Variants in CLVS1 observed in about 807,000 individuals in gnomAD.
CLVS1 encodes clavesin 1, also known as clavesin-1.
A neutral mutation model predicts 33.1 loss-of-function variants in CLVS1; 10 were observed. That is an observed-to-expected ratio of 0.30 (90% confidence interval 0.19 to 0.51). The LOEUF (loss-of-function observed/expected upper bound fraction) is 0.51, where lower values mean the gene tolerates loss of function less well. CLVS1 is among the 20% of genes least tolerant of loss of function. The probability of loss-of-function intolerance (pLI) is 0.97; values close to 1 mark genes in which losing one functional copy is unlikely to be tolerated. For missense variants in CLVS1, 343 were observed against 433.4 expected (o/e 0.79, Z 1.85); for synonymous variants, 163 against 166.1 (o/e 0.98, Z 0.14).
intron 2 of CLVS1, among the ~76,000 whole-genome samples, chr8:61,226,971 C>T (rs141323544): frequency 7.2e-5 from 10 of 139,078 alleles, no homozygotes; most frequent in East Asian, 2.1e-4. Context: ...TGCTATATTA[C>T]GAAAACATGT....
At chr8:61,391,192 A>G (rs1324618383) in intron 3 of CLVS1, 1 of 152,242 alleles carries the variant, frequency 6.6e-6, no homozygotes, top group Non-Finnish European at 1.5e-5. Context: ...CTAGTTATTC[A>G]TTGAACTCAT....
intron 2 of CLVS1, among the ~76,000 whole-genome samples, chr8:61,351,439 G>C (rs189790717): frequency 6.1e-4 from 93 of 152,138 alleles, no homozygotes; most frequent in Admixed American, 2.2e-3. Flanking sequence ...AGAGACTCAG[G>C]CTCCTGTGGG....
chr8:60,977,691 T>C, the CLVS1 span, among the ~76,000 whole-genome samples: 1 of 152,280 alleles, frequency 6.6e-6, no homozygotes, highest in Non-Finnish European at 1.5e-5. Context: ...TTGGGTATCA[T>C]TAAACACACC....
chr8:61,093,435 A>G (rs1475321569), intron 1 of CLVS1, among the ~76,000 whole-genome samples: 2 of 152,324 alleles, frequency 1.3e-5, no homozygotes, highest in South Asian at 2.1e-4. Flanking sequence ...TGTGTGGGTC[A>G]TTCAGGTTTT....
rs551873280 is a variant in CLVS1 at position 61,335,463 on chromosome 8, A to G, written c.455+35181A>G. Among the ~76,000 whole-genome samples the G allele has an allele frequency of 2.6e-5, 4 of 152,372 alleles. No individual in the cohort carries two copies. The South Asian group carries it at 8.3e-4, about 32-fold the overall frequency. ...CTGTCTGTCATAATTTTGCAAAGGC[A>G]GTTTCAAAACCAGAAAATATCACCG... On this transcript the variant is annotated intron_variant, in intron 2 of 5. Coordinates refer to ENST00000325897, the MANE Select transcript of CLVS1 (RefSeq NM_173519.3).
chr8:61,002,029 A>G, the CLVS1 span, among the ~76,000 whole-genome samples: 1 of 151,902 alleles, frequency 6.6e-6, no homozygotes, highest in Admixed American at 6.6e-5. Flanking sequence ...CCCAGGCTGG[A>G]GTGCAGTGGT....
At chr8:61,338,412 C>T (rs191290086) in intron 2 of CLVS1, among the ~76,000 whole-genome samples, 55 of 152,282 alleles carry the variant, frequency 3.6e-4, no homozygotes, top group African/African-American at 1.3e-3. Flanking sequence ...TAAAACCAAA[C>T]ATTTCTGGGC....
intron 3 of CLVS1, among the ~76,000 whole-genome samples, chr8:61,393,605 A>G (rs961227719): frequency 6.6e-6 from 1 of 152,044 alleles, no homozygotes; most frequent in Admixed American, 6.5e-5. Flanking sequence ...TGATCCCTTG[A>G]TATTGTGCCC....
At chr8:61,053,307 C>T (rs948513504), upstream of CLVS1, among the ~76,000 whole-genome samples, 1 of 152,050 alleles carries the variant, frequency 6.6e-6, no homozygotes, top group East Asian at 1.9e-4. Flanking sequence ...AAGAGAGAGA[C>T]GTCAAAGGCT....
intron 1 of CLVS1, among the ~76,000 whole-genome samples, chr8:61,125,193 C>T (rs1805946721): frequency 1.3e-5 from 2 of 152,144 alleles, no homozygotes; most frequent in South Asian, 4.1e-4. Context: ...ATTAGAACCC[C>T]AGAACCCTCC....
chr8:61,249,146 T>C (rs553130199), intron 2 of CLVS1, among the ~76,000 whole-genome samples: 1 of 152,286 alleles, frequency 6.6e-6, no homozygotes, highest in African/African-American at 2.4e-5. Flanking sequence ...ATCTCACTTA[T>C]GAGTGAGAAC....
intron 2 of CLVS1, among the ~76,000 whole-genome samples, chr8:61,272,132 T>C (rs1399570081): frequency 1.2e-3 from 177 of 151,700 alleles, no homozygotes; most frequent in African/African-American, 2.1e-3. Flanking sequence ...CGGCTGGTAC[T>C]GGTTGTTCCT....
At chr8:60,974,980 G>C in the CLVS1 span, among the ~76,000 whole-genome samples, 52 of 152,286 alleles carry the variant, frequency 3.4e-4, no homozygotes, top group African/African-American at 1.2e-3. Flanking sequence ...GAGTGGCTTG[G>C]ACTGGAACCC....
intron 3 of CLVS1, among the ~76,000 whole-genome samples, chr8:61,403,792 T>G (rs1443215511): frequency 1.3e-5 from 2 of 152,180 alleles, no homozygotes; most frequent in African/African-American, 4.8e-5. Context: ...TGGATTTGTA[T>G]GTACTAAAAC....
At chr8:61,483,126 T>C (rs1413585152) in intron 5 of CLVS1, among the ~76,000 whole-genome samples, 4 of 151,740 alleles carry the variant, frequency 2.6e-5, no homozygotes, top group Non-Finnish European at 5.9e-5. Context: ...ACACAAAAGA[T>C]CCTTCAAAAA....
At chr8:61,098,271 A>AC (rs1251841338) in intron 1 of CLVS1, among the ~76,000 whole-genome samples, 2 of 152,056 alleles carry the variant, frequency 1.3e-5, no homozygotes, top group Non-Finnish European at 2.9e-5. Context: ...CTGGGTTGGG[A>AC]CAATACTCAT....
chr8:61,177,538 T>C (rs953958430), intron 2 of CLVS1, among the ~76,000 whole-genome samples: 12 of 152,084 alleles, frequency 7.9e-5, no homozygotes, highest in Non-Finnish European at 1.6e-4. Context: ...GGTGAGACCC[T>C]CCAACAGGGG....
intron 2 of CLVS1, among the ~76,000 whole-genome samples, chr8:61,334,782 C>T (rs1811729725): frequency 6.6e-6 from 1 of 152,064 alleles, no homozygotes; most frequent in African/African-American, 2.4e-5. Flanking sequence ...CCATTTGGGC[C>T]AAACTGTAAC....
chr8:61,117,779 T>A (rs568368101), intron 1 of CLVS1, among the ~76,000 whole-genome samples: 5 of 152,338 alleles, frequency 3.3e-5, no homozygotes, highest in African/African-American at 1.2e-4. Flanking sequence ...AGTGCCAGTA[T>A]TTTATTGAGG....
Sources: gnomAD v4.1 joint callset for allele counts (sites outside exome capture counted in the v4.1 genomes callset) on GRCh38, gnomAD v4.1.1 for gene constraint, MANE v1.5 for transcripts, NCBI Gene and HGNC (gene_info 2026-07-23, HGNC 2026-07-21) for gene names.